ZNF775: variants seen among roughly 807,000 people sequenced by gnomAD.
ZNF775 encodes zinc finger protein 775.
Under a neutral mutation model 2.4 loss-of-function variants are expected in ZNF775, and 1 was observed. That is an observed-to-expected ratio of 0.41 (90% CI 0.15 to 1.94). ZNF775 has a LOEUF of 1.94. ZNF775 is among the 30% of genes most tolerant of loss of function. The probability of loss-of-function intolerance (pLI) is 0.30; values close to 1 mark genes in which losing one functional copy is unlikely to be tolerated. For missense variants in ZNF775, 823 were observed against 826.6 expected (o/e 1.00, Z 0.05); for synonymous variants, 381 against 373.3 (o/e 1.02, Z -0.24).
chr7:150,392,378 T>C (rs1800573903), intron 2 of ZNF775, among the ~76,000 whole-genome samples: 1 of 152,232 alleles, frequency 6.6e-6, no homozygotes, highest in South Asian at 2.1e-4. Context: ...CTGTACATTA[T>C]TGTAATGATT....
At chr7:150,390,313 C>T (rs1800541127) in intron 2 of ZNF775, among the ~76,000 whole-genome samples, 1 of 152,154 alleles carries the variant, frequency 6.6e-6, no homozygotes, top group Admixed American at 6.5e-5. Context: ...CTCGCCCAAC[C>T]CAGTCATTTG....
intron 2 of ZNF775, among the ~76,000 whole-genome samples, chr7:150,388,947 G>C (rs548111257): frequency 1.3e-5 from 2 of 152,236 alleles, no homozygotes; most frequent in African/African-American, 4.8e-5. Flanking sequence ...GTTCAGGGTC[G>C]TTATTGGCTA....
rs1010133188 is a variant in ZNF775, at chr7:150,389,685, T to G, written c.31+1184T>G. Among the ~76,000 whole-genome samples the G allele has an allele frequency of 8.5e-5, 13 of 152,304 alleles. 1 individual carries two copies. The South Asian group carries it at 1.9e-3, about 22-fold the overall frequency. ...CCTCTCTCCTCTCTACGGCAGCTTC[T>G]GGGGAACCCTGTGGTTTTAGAGAAG... On this transcript the variant is annotated intron_variant, in intron 2 of 2. Transcript: ENST00000329630.
At chr7:150,388,085 C>T (rs1371444550) in intron 1 of ZNF775, among the ~76,000 whole-genome samples, 2 of 152,146 alleles carry the variant, frequency 1.3e-5, no homozygotes, top group African/African-American at 4.8e-5. Flanking sequence ...CATCACATGC[C>T]GCCCTGCGAA....
In ZNF775 at chr7:150,396,510, C is replaced by T. The variant is rs1465470623; in HGVS notation, c.32-3C>T. 1.9e-6 allele frequency: 3 copies of T among 1,586,226 alleles called. No individual in the cohort carries two copies. The highest frequency in any genetic ancestry group is 1.1e-5 in the South Asian group (1 of 87,036). On this transcript the variant is annotated splice_region_variant and splice_polypyrimidine_tract_variant and intron_variant, in intron 2 of 2. Transcript: ENST00000329630. ...CCTCCTCTCTCCCGCTTGCCTCTGG[C>T]AGGAGCTGGGCTGGTGATGAAGGTC...
At chr7:150,389,341 C>T (rs1308995049) in intron 2 of ZNF775, among the ~76,000 whole-genome samples, 1 of 152,242 alleles carries the variant, frequency 6.6e-6, no homozygotes, top group Non-Finnish European at 1.5e-5. Context: ...CCAGGAATAT[C>T]ATGTCAGGAG....
intron 1 of ZNF775, among the ~76,000 whole-genome samples, chr7:150,386,061 G>A (rs905399094): frequency 3.3e-5 from 5 of 152,110 alleles, no homozygotes; most frequent in East Asian, 3.9e-4. Context: ...TCAGCTTCCC[G>A]AGTAGCTGGG....
In ZNF775 at chr7:150,382,683, C is replaced by G. The variant is rs759368496; in HGVS notation, c.-50+3291C>G. 1.3e-5 allele frequency: 2 copies of G among 152,324 alleles called. No homozygotes were observed. The highest frequency in any genetic ancestry group is 1.3e-4 in the Admixed American group (2 of 15,292). The allele number at this position is 152,324 out of a possible 1,614,324, so 9.4% of individuals were successfully genotyped here. On this transcript the variant is annotated intron_variant, in intron 1 of 2. Transcript: ENST00000329630. The surrounding 1 kb of genome is among the most constrained non-coding windows in gnomAD (Gnocchi z 4.6). ...GGATCTTAGGCTGCACCAGGCTTGC[C>G]GGACACAGGCTCATTGTCTCTAGGG...
At chr7:150,388,364 T>C in intron 1 of ZNF775, 58 bp from the exon 2 acceptor site, 1 of 1,391,852 alleles carries the variant, frequency 7.2e-7, no homozygotes, top group South Asian at 1.3e-5. Flanking sequence ...CTGGGGACCC[T>C]GAGTTTTGTC....
rs536879076 is a variant in ZNF775 at position 150,396,662 on chromosome 7, C to G, written c.181C>G (p.Arg61Gly). ...LPPRQTMGRP[R>G]ALGGQEESGS... ...GCCACGCCAGACCATGGGGCGGCCT[C>G]GAGCCCTGGGGGGACAGGAGGAGTC... Residue 61 changes from arginine to glycine, a missense_variant, in exon 3 of 3, where the codon CGA becomes GGA. Transcript: ENST00000329630. The G allele has an allele frequency of 6.2e-7, 1 of 1,610,698 alleles. No individual in the cohort carries two copies. The highest frequency in any genetic ancestry group is 1.3e-5 in the African/African-American group (1 of 75,030).
intron 1 of ZNF775, among the ~76,000 whole-genome samples, chr7:150,387,329 C>T (rs916437206): frequency 6.7e-6 from 1 of 149,044 alleles, no homozygotes; most frequent in Admixed American, 6.7e-5. Flanking sequence ...ACAAGGGATG[C>T]CTGCTCTGAG....
chr7:150,385,316 A>T (rs754216254), intron 1 of ZNF775, among the ~76,000 whole-genome samples: 1 of 152,288 alleles, frequency 6.6e-6, no homozygotes, highest in Non-Finnish European at 1.5e-5. Context: ...AGCTCTTTGC[A>T]AAAGTAGAAG....
At position 150,396,564 on chromosome 7, in the gene ZNF775, A is replaced by G. The variant is rs745495468; in HGVS notation, c.83A>G (p.Gln28Arg). 2 of 1,605,364 alleles carry G rather than the reference A, an allele frequency of 1.2e-6. No homozygotes were observed. The highest frequency in any genetic ancestry group is 1.7e-5 in the Admixed American group (1 of 59,004). The change falls in exon 3 of 3, where the codon CAG becomes CGG. Residue 28 changes from glutamine to arginine, a missense_variant. Coordinates refer to ENST00000329630, the MANE Select transcript of ZNF775 (RefSeq NM_173680.4). ...CAGGAGAAGCCGGAGCGGCTGCTGC[A>G]GACGCTGGCGCCGCAGGCCATGCTT... ...VKQEKPERLL[Q>R]TLAPQAMLVE...
intron 2 of ZNF775, 80 bp downstream of exon 2, chr7:150,388,581 G>A: frequency 6.6e-7 from 1 of 1,512,386 alleles, no homozygotes; most frequent in Non-Finnish European, 9.0e-7. Context: ...CTAAAGCCAG[G>A]CGCGAGCCAG....
chr7:150,379,681 T>A (rs868476528), intron 1 of ZNF775, among the ~76,000 whole-genome samples: 12 of 151,674 alleles, frequency 7.9e-5, no homozygotes, highest in Non-Finnish European at 1.5e-4. Context: ...GGGAGGCTAG[T>A]GAGAATGGAG....
In ZNF775 at chr7:150,397,805, G is replaced by T; in HGVS notation, c.1324G>T (p.Glu442Ter). The change falls in exon 3 of 3, where the codon GAG becomes TAG. Residue 442 changes from glutamate (E) to a stop codon, truncating the protein, a stop_gained. Coordinates refer to ENST00000329630, the MANE Select transcript of ZNF775 (RefSeq NM_173680.4). LOFTEE classifies it low-confidence loss of function (END_TRUNC). ...ACAAGCGGGCCTCGCTGGGCCTGGC[G>T]AGCCGCGCCAGTTCATCTGCAACGA... ...RGQAGLAGPG[E>*]PRQFICNECG... The T allele has an allele frequency of 6.3e-7, 1 of 1,575,240 alleles. No homozygotes were observed.
Position 150,396,616 on chromosome 7 carries a change from T to C in ZNF775, c.135T>C (p.Phe45=). The C allele has an allele frequency of 6.2e-7, 1 of 1,610,906 alleles. No homozygotes were observed. The highest frequency in any genetic ancestry group is 8.5e-7 in the Non-Finnish European group (1 of 1,179,418). Residue 45 remains phenylalanine (F), a synonymous_variant, in exon 3 of 3, where the codon TTT becomes TTC. Transcript: ENST00000329630. ...TGGAGAAGGACAAGGAGAACATATT[T>C]CAGCAGCACCGGGGCCTCCCGCCAC... ...MLVEKDKENI[F]QQHRGLPPRQ... is the part of the protein sequence containing the mutation.
In ZNF775 at chr7:150,397,779, G is replaced by T; in HGVS notation, c.1298G>T (p.Gly433Val). ...GCCCGGGACACGCTGTGGGGCCGGG[G>T]ACAAGCGGGCCTCGCTGGGCCTGGC... The part of the protein sequence containing the change: ...PGARDTLWGR[G>V]QAGLAGPGEP... The change falls in exon 3 of 3, where the codon GGA (glycine) becomes GTA (valine). Residue 433 changes from glycine (G) to valine (V), a missense_variant. Physicochemically the swap from Gly to Val is moderately radical, Grantham distance 109. Transcript: ENST00000329630. The T allele has an allele frequency of 6.5e-7, 1 of 1,540,170 alleles. No homozygotes were observed. Among genetic ancestry groups the T allele is most frequent in the Admixed American group, 2.0e-5 (1 of 51,240 alleles).
chr7:150,381,962 T>G (rs1380412963), intron 1 of ZNF775, among the ~76,000 whole-genome samples: 35 of 99,416 alleles, frequency 3.5e-4, no homozygotes, highest in Admixed American at 7.8e-4. Flanking sequence ...TCATGGGGGG[T>G]GGGACAGGGG....
Sources: allele counts gnomAD v4.1 joint callset (sites outside exome capture counted in the v4.1 genomes callset), GRCh38; gene constraint gnomAD v4.1.1; non-coding constraint Gnocchi (gnomAD v3.1); transcripts MANE v1.5; gene names NCBI Gene and HGNC (gene_info 2026-07-23, HGNC 2026-07-21).